Variants in CCDC192 observed in about 807,000 individuals in gnomAD.
CCDC192 encodes the protein coiled-coil domain containing 192.
intron 6 of CCDC192, among the ~76,000 whole-genome samples, chr5:127,922,731 G>A (rs1722969384): frequency 6.6e-6 from 1 of 152,190 alleles, no homozygotes; most frequent in South Asian, 2.1e-4. Flanking sequence ...CTGGGCAATA[G>A]GGTGAAACCC....
At position 127,912,419 on chromosome 5, in the gene CCDC192, C is replaced by CAAAA. The variant is rs60854127; in HGVS notation, c.536-28745_536-28742dup. Among the ~76,000 whole-genome samples, 397 of 81,422 alleles carry CAAAA rather than the reference C, an allele frequency of 4.9e-3. 23 individuals carry two copies. The highest frequency in any genetic ancestry group is 0.012 in the Admixed American group (74 of 6,324). 53.4% of individuals were successfully genotyped at this position (81,422 alleles called of 152,430 possible). On this transcript the variant is annotated intron_variant, in intron 6 of 6. Coordinates refer to ENST00000514853, the MANE Select transcript of CCDC192 (RefSeq NM_001317938.2). ...AGTGAGAATAGATTCCTGGGTTTAGCAAAAAAAAAAAAAAAAAAAAATGAA... is the reference window on the plus strand; with the variant it reads ...AGTGAGAATAGATTCCTGGGTTTAGCAAAAAAAAAAAAAAAAAAAAAAAAATGAA...
At chr5:127,709,925 C>A (rs996656743) in intron 2 of CCDC192, among the ~76,000 whole-genome samples, 28 of 152,156 alleles carry the variant, frequency 1.8e-4, no homozygotes, top group African/African-American at 6.7e-4. Flanking sequence ...TCTAAGGATG[C>A]TAATCAACCA....
chr5:127,811,135 C>G (rs954964626), intron 5 of CCDC192, among the ~76,000 whole-genome samples: 1 of 152,218 alleles, frequency 6.6e-6, no homozygotes, highest in African/African-American at 2.4e-5. Context: ...AGTACGCTCT[C>G]TGCTGTCTTA....
At chr5:127,791,775 A>G (rs571670728) in intron 3 of CCDC192, among the ~76,000 whole-genome samples, 5 of 152,236 alleles carry the variant, frequency 3.3e-5, no homozygotes, top group Non-Finnish European at 7.3e-5. Context: ...AATTATATAC[A>G]ATGTTAAATT....
chr5:127,711,971 C>T (rs1179289693), intron 2 of CCDC192, among the ~76,000 whole-genome samples: 2 of 152,052 alleles, frequency 1.3e-5, no homozygotes, highest in Non-Finnish European at 2.9e-5. Flanking sequence ...CCACCACAAT[C>T]AGGATAATGT....
chr5:127,770,323 T>C (rs1755477277), intron 3 of CCDC192, among the ~76,000 whole-genome samples: 1 of 152,236 alleles, frequency 6.6e-6, no homozygotes, highest in Non-Finnish European at 1.5e-5. Flanking sequence ...GACAAATAGA[T>C]AAATTGGTGA....
chr5:127,823,962 C>G (rs566462106), intron 5 of CCDC192, among the ~76,000 whole-genome samples: 1 of 152,152 alleles, frequency 6.6e-6, no homozygotes, highest in Non-Finnish European at 1.5e-5. Context: ...CCTAGCACAA[C>G]AGGCCAACCA....
At chr5:127,869,071 G>T (rs1197212949) in intron 5 of CCDC192, among the ~76,000 whole-genome samples, 1 of 151,956 alleles carries the variant, frequency 6.6e-6, no homozygotes, top group Non-Finnish European at 1.5e-5. Flanking sequence ...GCCTGTAATC[G>T]CAGCACTTTG....
chr5:127,721,574 CATT>C (rs1469556179), intron 2 of CCDC192, among the ~76,000 whole-genome samples: 1 of 152,152 alleles, frequency 6.6e-6, no homozygotes, highest in African/African-American at 2.4e-5. Flanking sequence ...AACCTATGCC[CATT>C]ACTGAGTCCC....
chr5:127,869,773 T>A (rs1751769630), intron 5 of CCDC192, among the ~76,000 whole-genome samples: 1 of 152,334 alleles, frequency 6.6e-6, no homozygotes, highest in East Asian at 1.9e-4. Context: ...TTACTGGGAT[T>A]TCATTTTCTT....
At chr5:127,719,833 G>GGT (rs113046669) in intron 2 of CCDC192, among the ~76,000 whole-genome samples, 3 of 130,220 alleles carry the variant, frequency 2.3e-5, no homozygotes, top group African/African-American at 3.3e-5. Flanking sequence ...AGAGGAAGGG[G>GGT]CGGGGGAGGT....
intron 6 of CCDC192, among the ~76,000 whole-genome samples, chr5:127,932,708 T>C (rs1580841289): frequency 2.6e-5 from 4 of 152,110 alleles, no homozygotes; most frequent in Admixed American, 2.6e-4. Flanking sequence ...ATCACTACAA[T>C]CCATGCACTA....
chr5:127,765,549 T>TA (rs2126897860), intron 3 of CCDC192, among the ~76,000 whole-genome samples: 1 of 152,186 alleles, frequency 6.6e-6, no homozygotes, highest in Non-Finnish European at 1.5e-5. Flanking sequence ...TTTAGAGGTG[T>TA]AAAAACGTCC....
At chr5:127,907,736 A>G (rs1244801362) in intron 6 of CCDC192, among the ~76,000 whole-genome samples, 1 of 152,230 alleles carries the variant, frequency 6.6e-6, no homozygotes, top group African/African-American at 2.4e-5. Context: ...TAGCTCACAT[A>G]ACAAGATTTA....
At chr5:127,797,775 A>ATATATATTTATT (rs1757259786) in intron 4 of CCDC192, among the ~76,000 whole-genome samples, 1 of 127,494 alleles carries the variant, frequency 7.8e-6, no homozygotes, top group Non-Finnish European at 1.6e-5. Flanking sequence ...ATATATATAT[A>ATATATATTTATT]TATTTATTTA....
At chr5:127,800,510 C>A (rs1757452164) in intron 5 of CCDC192, among the ~76,000 whole-genome samples, 1 of 151,018 alleles carries the variant, frequency 6.6e-6, no homozygotes, top group African/African-American at 2.4e-5. Flanking sequence ...TGTTGTTGGT[C>A]ATTTTTCCAA....
At chr5:127,707,298 AAT>A (rs1236429150) in intron 1 of CCDC192, among the ~76,000 whole-genome samples, 1 of 151,532 alleles carries the variant, frequency 6.6e-6, no homozygotes, top group Non-Finnish European at 1.5e-5. Flanking sequence ...AGCTAATGGA[AAT>A]GATCCAGGAG....
intron 6 of CCDC192, among the ~76,000 whole-genome samples, chr5:127,933,012 G>C (rs895514030): frequency 1.1e-4 from 16 of 152,154 alleles, no homozygotes; most frequent in African/African-American, 2.7e-4. Flanking sequence ...TATGCCTCAG[G>C]TATACAATTG....
chr5:127,751,021 ATGGGTTTCC>A (rs1423335210), intron 2 of CCDC192, among the ~76,000 whole-genome samples: 1 of 146,074 alleles, frequency 6.8e-6, no homozygotes, highest in Non-Finnish European at 1.5e-5. Context: ...TGCACGTGAG[ATGGGTTTCC>A]TGAATACAGC....
Sources: allele counts gnomAD v4.1 joint callset (sites outside exome capture counted in the v4.1 genomes callset), GRCh38; gene constraint gnomAD v4.1.1; transcripts MANE v1.5; gene names NCBI Gene and HGNC (gene_info 2026-07-23, HGNC 2026-07-21).